Variants in KIF21A observed in about 807,000 individuals in gnomAD.
KIF21A encodes kinesin-like protein KIF21A.
Under a neutral mutation model 202.9 loss-of-function variants are expected in KIF21A, and 114 were observed. The ratio of observed to expected loss-of-function variants is 0.56; its 90% CI spans 0.48 to 0.66. The LOEUF is 0.66. Among genes scored for constraint, KIF21A ranks in the 30% least tolerant of loss-of-function variants. KIF21A has a pLI of 0.00. For missense variants in KIF21A, 1,677 were observed against 1,994.9 expected, an observed-to-expected ratio of 0.84 and a Z score of 3.04; for synonymous variants, 667 against 670.8, an observed-to-expected ratio of 0.99 and a Z score of 0.09.
intron 1 of KIF21A, among the ~76,000 whole-genome samples, chr12:39,395,417 T>A (rs1042571693): frequency 6.8e-6 from 1 of 147,170 alleles, no homozygotes; most frequent in Non-Finnish European, 1.5e-5. Flanking sequence ...AGGCCAATCC[T>A]CATCTCCTAA....
intron 1 of KIF21A, among the ~76,000 whole-genome samples, chr12:39,395,212 A>C (rs1393485297): frequency 6.6e-6 from 1 of 152,146 alleles, no homozygotes; most frequent in Non-Finnish European, 1.5e-5. Context: ...AATTTAGTAA[A>C]AATTCTAATT....
At chr12:39,321,649 T>C (rs957310710) in intron 27 of KIF21A, 2 of 152,226 alleles carry the variant, frequency 1.3e-5, no homozygotes, top group Non-Finnish European at 1.5e-5. Context: ...GCAGATGGGA[T>C]ACTGAATGGA....
At chr12:39,330,678 T>C (rs1466517430) in intron 23 of KIF21A, 68 bp downstream of exon 23, 5 of 1,346,818 alleles carry the variant, frequency 3.7e-6, no homozygotes, top group Non-Finnish European at 4.3e-6. Context: ...GAAAGGGATA[T>C]ACTATACCAT....
At chr12:39,385,235 T>C (rs1433505771) in intron 1 of KIF21A, among the ~76,000 whole-genome samples, 1 of 151,824 alleles carries the variant, frequency 6.6e-6, no homozygotes, top group East Asian at 1.9e-4. Flanking sequence ...ATCAGTTATG[T>C]GAAGGCAGTG....
chr12:39,418,440 C>T (rs1953965450), intron 1 of KIF21A, among the ~76,000 whole-genome samples: 2 of 152,290 alleles, frequency 1.3e-5, no homozygotes, highest in Admixed American at 1.3e-4. Flanking sequence ...GTAACTGATA[C>T]ATGAAAACAA....
Position 39,294,476 on chromosome 12 carries a change from T to C in KIF21A, c.4973A>G (p.Asp1658Gly). Residue 1658 changes from aspartate (D) to glycine (G), a missense_variant, in exon 38 of 38, where the codon GAT becomes GGT. Physicochemically the swap from Asp to Gly is moderately conservative, Grantham distance 94. Coordinates refer to ENST00000361418, the MANE Select transcript of KIF21A (RefSeq NM_001173464.2). ...VRIWKARNLQDGQISDTGDLG... is the reference protein window; with the variant it reads ...VRIWKARNLQGGQISDTGDLG... ...ATCTCCTGTGTCAGAGATCTGACCA[T>C]CTTGCAAATTGCGAGCCTTCCAAAT... 1 of 1,613,934 alleles carries C rather than the reference T, an allele frequency of 6.2e-7. No individual in the cohort carries two copies. The highest frequency in any genetic ancestry group is 1.1e-5 in the South Asian group (1 of 91,080).
intron 1 of KIF21A, among the ~76,000 whole-genome samples, chr12:39,378,511 A>C (rs1036998429): frequency 6.6e-6 from 1 of 152,198 alleles, no homozygotes; most frequent in African/African-American, 2.4e-5. Flanking sequence ...CTACTCCCAC[A>C]AAACTGAGGG....
chr12:39,340,373 C>G lies in KIF21A; in HGVS notation c.2111-9G>C. ...GTAAGATTCTACCGAGCCTAAATGA[C>G]CAGAGGACATTTTTATATGTTTTTT... On this transcript the variant is annotated splice_polypyrimidine_tract_variant and intron_variant, in intron 15 of 37. Transcript: ENST00000361418. The G allele has an allele frequency of 1.3e-6, 2 of 1,588,832 alleles. No homozygotes were observed. The highest frequency in any genetic ancestry group is 1.7e-6 in the Non-Finnish European group (2 of 1,162,300).
At chr12:39,351,714 T>C in intron 11 of KIF21A, 63 bp downstream of exon 11, 1 of 1,026,840 alleles carries the variant, frequency 9.7e-7, no homozygotes, top group Non-Finnish European at 1.5e-6. Context: ...TCTTTATAAT[T>C]GCAAATTAAA....
chr12:39,331,961 C>T (rs1946546837), intron 21 of KIF21A, 170 bp from the exon 22 acceptor site: 2 of 687,356 alleles, frequency 2.9e-6, no homozygotes, highest in African/African-American at 1.8e-5. Context: ...GTTGAAAAGA[C>T]ACATTTAAGC....
chr12:39,338,206 T>C (rs1194190141), intron 16 of KIF21A, among the ~76,000 whole-genome samples: 1 of 152,140 alleles, frequency 6.6e-6, no homozygotes, highest in African/African-American at 2.4e-5. Flanking sequence ...GCCTAGGCTA[T>C]TGTGCATGTT....
At chr12:39,308,985 A>T (rs1256522119) in intron 33 of KIF21A, among the ~76,000 whole-genome samples, 1 of 152,146 alleles carries the variant, frequency 6.6e-6, no homozygotes, top group Non-Finnish European at 1.5e-5. Context: ...ATTATTAAAA[A>T]ATTCATCAAT....
rs1949642807 is a variant in KIF21A, at chr12:39,366,949, C to T, written c.735+81G>A. ...GAATGACTAAATGAACTGAATTTGG[C>T]TCAAATATATTCTCAGAGAATTCAT... On this transcript the variant is annotated intron_variant, in intron 5 of 37. Coordinates refer to ENST00000361418, the MANE Select transcript of KIF21A (RefSeq NM_001173464.2). 4 of 1,357,830 alleles carry T rather than the reference C, an allele frequency of 2.9e-6. No homozygotes were observed. In the African/African-American group the frequency reaches 5.8e-5, roughly 20 times the overall value. The allele number at this position is 1,357,830 out of a possible 1,614,324, so 84.1% of individuals were successfully genotyped here.
intron 12 of KIF21A, 29 bp from the exon 13 acceptor site, chr12:39,342,153 T>C (rs756311369): frequency 2.1e-6 from 3 of 1,457,376 alleles, no homozygotes; most frequent in Non-Finnish European, 2.9e-6. Context: ...GGGTATGGTG[T>C]TAAAATAGAA....
In KIF21A at chr12:39,318,097, C is replaced by T. The variant is rs1565724787; in HGVS notation, c.3884G>A (p.Gly1295Glu). The change falls in exon 29 of 38, where the codon GGA (glycine) becomes GAA (glutamate). Residue 1295 changes from glycine (G) to glutamate (E), a missense_variant. By Grantham distance (98) the Gly-to-Glu change is moderately conservative. Coordinates refer to ENST00000361418, the MANE Select transcript of KIF21A (RefSeq NM_001173464.2). Reference sequence around the variant, plus strand: ...CTTATCCTGCTGAACTGATGTGTTTCCCTGAGAAACAGTAAGACGATTAAA... The same window carrying T: ...CTTATCCTGCTGAACTGATGTGTTTTCCTGAGAAACAGTAAGACGATTAAA... ...NVFNRLTVSQGNTSVQQDKSD... is the reference protein window; with the variant it reads ...NVFNRLTVSQENTSVQQDKSD... 1.2e-6 allele frequency: 2 copies of T among 1,613,192 alleles called. No individual in the cohort carries two copies. The highest frequency in any genetic ancestry group is 1.7e-6 in the Non-Finnish European group (2 of 1,179,370).
rs1939886148 is a variant in KIF21A, at chr12:39,443,052, A to C, written c.-82T>G. 7.0e-7 allele frequency: 1 copy of C among 1,434,592 alleles called. No homozygotes were observed. The highest frequency in any genetic ancestry group is 9.2e-7 in the Non-Finnish European group (1 of 1,085,532). 88.9% of individuals were successfully genotyped at this position (1,434,592 alleles called of 1,614,324 possible). On this transcript the variant is annotated 5_prime_UTR_variant, in exon 1 of 38. Transcript: ENST00000361418. ...CACTGGGGCCGCGGGACTCGGGCGCAGTAGGCTGGGGCGTCTGCGGGCGGG... is the reference window on the plus strand; with the variant it reads ...CACTGGGGCCGCGGGACTCGGGCGCCGTAGGCTGGGGCGTCTGCGGGCGGG...
intron 6 of KIF21A, among the ~76,000 whole-genome samples, chr12:39,365,220 G>C (rs1035262020): frequency 5.9e-5 from 9 of 152,180 alleles, no homozygotes; most frequent in African/African-American, 1.9e-4. Context: ...TTTTTGGAGA[G>C]ACTAATTTGA....
chr12:39,367,813 G>T, intron 4 of KIF21A, 70 bp downstream of exon 4: 1 of 1,203,892 alleles, frequency 8.3e-7, no homozygotes, highest in South Asian at 1.3e-5. Context: ...ATCTTAAGCA[G>T]ATTATCAGCA....
intron 33 of KIF21A, 114 bp downstream of exon 33, chr12:39,309,472 C>G: frequency 1.4e-6 from 1 of 717,440 alleles, no homozygotes; most frequent in Non-Finnish European, 2.3e-6. Flanking sequence ...GGGAAGTGGA[C>G]AGGTATACAA....
Sources: gnomAD v4.1 joint callset for allele counts (sites outside exome capture counted in the v4.1 genomes callset) on GRCh38, gnomAD v4.1.1 for gene constraint, MANE v1.5 for transcripts, NCBI Gene and HGNC (gene_info 2026-07-23, HGNC 2026-07-21) for gene names.